Variants in PITX3 observed in about 807,000 individuals in gnomAD.
The protein encoded by PITX3 is paired like homeodomain 3, also known as pituitary homeobox 3.
A neutral mutation model predicts 14.2 loss-of-function variants in PITX3; 4 were observed. The observed-to-expected ratio is 0.28, with a 90% CI of 0.14 to 0.65. The LOEUF is 0.65. Among genes scored for constraint, PITX3 ranks in the 30% least tolerant of loss-of-function variants. The probability of loss-of-function intolerance (pLI) is 0.82; values close to 1 mark genes in which losing one functional copy is unlikely to be tolerated. For synonymous variants in PITX3, 194 were observed against 204.5 expected (o/e 0.95, Z 0.44); for missense variants, 358 against 426.8 (o/e 0.84, Z 1.42).
At chr10:102,238,209 C>T (rs2070451399) in intron 1 of PITX3, among the ~76,000 whole-genome samples, 1 of 152,132 alleles carries the variant, frequency 6.6e-6, no homozygotes. Context: ...CCATGGACAC[C>T]CTAGACACCC....
chr10:102,238,766 A>G (rs1234876289), intron 1 of PITX3, among the ~76,000 whole-genome samples: 1 of 152,176 alleles, frequency 6.6e-6, no homozygotes, highest in South Asian at 2.1e-4. Flanking sequence ...GCAAGGTTAC[A>G]CAGTTTGAAG....
In PITX3 at chr10:102,230,362, GGGGAA is replaced by G. The variant is rs2133794022; in HGVS notation, c.*147_*151del. On this transcript the variant is annotated 3_prime_UTR_variant, in exon 4 of 4. Coordinates refer to ENST00000370002, the MANE Select transcript of PITX3 (RefSeq NM_005029.4). ...CCTAGTCCACCCCTCAGGGCTGGGA[GGGGAA>G]GGCCCTCTCCTGAGCCGGTGCCCCC... 2 of 1,214,180 alleles carry G rather than the reference GGGGAA, an allele frequency of 1.6e-6. No homozygotes were observed. The highest frequency in any genetic ancestry group is 5.2e-5 in the East Asian group (2 of 38,220). The allele number at this position is 1,214,180 out of a possible 1,614,324, so 75.2% of individuals were successfully genotyped here. A position where few individuals can be genotyped will look rare whatever the true frequency, so the allele number is the denominator to read the frequency against.
At chr10:102,232,417 T>TCC (rs2133800303) in intron 1 of PITX3, among the ~76,000 whole-genome samples, 1 of 152,342 alleles carries the variant, frequency 6.6e-6, no homozygotes, top group Admixed American at 6.5e-5. Context: ...GCGCAGTGGC[T>TCC]CACGCCTGTA....
At position 102,231,087 on chromosome 10, in the gene PITX3, G is replaced by T; in HGVS notation, c.336C>A (p.Asn112Lys). 1.3e-6 allele frequency: 2 copies of T among 1,558,274 alleles called. No homozygotes were observed. The highest frequency in any genetic ancestry group is 1.7e-6 in the Non-Finnish European group (2 of 1,155,998). Residue 112 changes from asparagine to lysine, a missense_variant, in exon 4 of 4, where the codon AAC (asparagine) becomes AAA (lysine). This residue lies in a region of PITX3 where 50 missense variants were observed against 96.7 expected (regional missense o/e 0.52). Transcript: ENST00000370002. ...CGCGCTTCCGCCATTTGGCGCGCCG[G>T]TTCTTGAACCACACCTGCGGGCACG... ...TEARVRVWFK[N>K]RRAKWRKRER...
In PITX3 at chr10:102,230,952, C is replaced by T; in HGVS notation, c.471G>A (p.Pro157=). 1 of 1,607,956 alleles carries T rather than the reference C, an allele frequency of 6.2e-7. No homozygotes were observed. The highest frequency in any genetic ancestry group is 8.5e-7 in the Non-Finnish European group (1 of 1,178,002). ...VYPGYSYGNW[P]PKALAPPLAA... ...CGAGCGGCGGGGCAAGAGCCTTGGG[C>T]GGCCAGTTGCCGTACGAGTAGCCGG... The change falls in exon 4 of 4, where the codon CCG becomes CCA. Residue 157 remains proline (P), a synonymous_variant. Coordinates refer to ENST00000370002, the MANE Select transcript of PITX3 (RefSeq NM_005029.4).
At chr10:102,239,815 A>G (rs1361614228) in intron 1 of PITX3, among the ~76,000 whole-genome samples, 1 of 152,178 alleles carries the variant, frequency 6.6e-6, no homozygotes, top group Non-Finnish European at 1.5e-5. Flanking sequence ...GTCAGGGTGG[A>G]TGGTCACTGT....
chr10:102,231,775 G>A lies in PITX3; in HGVS notation c.134C>T (p.Ser45Leu), dbSNP rs1458426960. 7 of 1,603,778 alleles carry A rather than the reference G, an allele frequency of 4.4e-6. No individual in the cohort carries two copies. The highest frequency in any genetic ancestry group is 1.7e-5 in the Admixed American group (1 of 59,054). ...GQEHSDSEKA[S>L]ASLPGGSPED... ...TGGGGAGCCGCCGGGCAGCGAAGCC[G>A]AGGCCTTTTCTGAGTCTGGGGGCCA... The change falls in exon 3 of 4, where the codon TCG (serine) becomes TTG (leucine). Residue 45 changes from serine (S) to leucine (L), a missense_variant. By Grantham distance (145) the Ser-to-Leu change is moderately radical (BLOSUM62 -2). Transcript: ENST00000370002.
intron 2 of PITX3, 27 bp from the exon 3 acceptor site, chr10:102,231,817 C>G: frequency 1.9e-6 from 3 of 1,592,510 alleles, no homozygotes; most frequent in African/African-American, 2.7e-5. Flanking sequence ...GGGCAGGTCA[C>G]AGAGCGCCCA....
intron 1 of PITX3, among the ~76,000 whole-genome samples, chr10:102,236,349 G>T (rs2070393822): frequency 1.3e-5 from 2 of 152,242 alleles, no homozygotes; most frequent in African/African-American, 4.8e-5. Context: ...GACAGAGAGA[G>T]TCAGAAGATA....
chr10:102,231,518 C>A lies in PITX3; in HGVS notation c.321+70G>T, dbSNP rs552489268. 2.6e-3 allele frequency: 2,789 copies of A among 1,057,956 alleles called. 6 individuals are homozygous for A. The highest frequency in any genetic ancestry group is 3.4e-3 in the Non-Finnish European group (2,428 of 715,530). 65.5% of individuals were successfully genotyped at this position (1,057,956 alleles called of 1,614,324 possible). A position where few individuals can be genotyped will look rare whatever the true frequency, so the allele number is the denominator to read the frequency against. On this transcript the variant is annotated intron_variant, in intron 3 of 3. Transcript: ENST00000370002. The stretch of plus-strand genomic sequence containing the variant: ...GGAGGGGGCAGGTGGGGTGGAACCG[C>A]TGGCCTCCGGGTCGCAGGCTGAGCG...
At chr10:102,232,621 G>A (rs189547861) in intron 1 of PITX3, among the ~76,000 whole-genome samples, 172 of 152,318 alleles carry the variant, frequency 1.1e-3, no homozygotes, top group African/African-American at 4.0e-3. Flanking sequence ...GGCGGAGGTT[G>A]CAGCGAGCCG....
intron 1 of PITX3, among the ~76,000 whole-genome samples, chr10:102,239,391 A>G (rs1343971786): frequency 6.6e-6 from 1 of 152,200 alleles, no homozygotes; most frequent in Non-Finnish European, 1.5e-5. Flanking sequence ...TCCTTTCCTG[A>G]CACAGAGTCC....
chr10:102,232,084 G>C lies in PITX3; in HGVS notation c.-4C>G. 2 of 1,580,842 alleles carry C rather than the reference G, an allele frequency of 1.3e-6. No individual in the cohort carries two copies. Among genetic ancestry groups the C allele is most frequent in the Non-Finnish European group, 1.7e-6 (2 of 1,161,464 alleles). The stretch of plus-strand genomic sequence containing the variant: ...CGCTGAGCAGGCCGAACTCCATGGA[G>C]GGAGGGCTCTGGAGGCGAGAGAAGA... On this transcript the variant is annotated 5_prime_UTR_variant, in exon 2 of 4. Transcript: ENST00000370002.
Position 102,230,192 on chromosome 10 carries a change from A to C in PITX3, c.*322T>G. 2.6e-6 allele frequency: 1 copy of C among 387,916 alleles called. No individual in the cohort carries two copies. Among genetic ancestry groups the C allele is most frequent in the Non-Finnish European group, 4.7e-6 (1 of 213,838 alleles). 24.0% of individuals were successfully genotyped at this position (387,916 alleles called of 1,614,324 possible). On this transcript the variant is annotated 3_prime_UTR_variant, in exon 4 of 4. Transcript: ENST00000370002. ...AACTTTGAATCATCACGCCTTCGAC[A>C]GTCCGCGCACGTTTATTTCATTTAT... is the stretch of plus-strand genomic sequence containing the variant.
At chr10:102,238,329 C>G (rs550867026) in intron 1 of PITX3, among the ~76,000 whole-genome samples, 9 of 152,330 alleles carry the variant, frequency 5.9e-5, no homozygotes, top group Non-Finnish European at 1.2e-4. Flanking sequence ...CACAAGTCAG[C>G]TCTAGCCTGC....
At chr10:102,235,259 G>A (rs747018811) in intron 1 of PITX3, among the ~76,000 whole-genome samples, 3 of 151,156 alleles carry the variant, frequency 2.0e-5, no homozygotes, top group Non-Finnish European at 4.4e-5. Flanking sequence ...GGGAGGAGCA[G>A]GCCAAGGGGC....
intron 1 of PITX3, among the ~76,000 whole-genome samples, chr10:102,239,264 A>T (rs527712102): frequency 3.0e-4 from 46 of 152,346 alleles, no homozygotes; most frequent in South Asian, 1.7e-3. Context: ...AGGGTGGGAA[A>T]AGGTTCTGTC....
intron 1 of PITX3, among the ~76,000 whole-genome samples, chr10:102,235,579 A>G (rs1175099382): frequency 6.6e-6 from 1 of 152,234 alleles, no homozygotes; most frequent in Non-Finnish European, 1.5e-5. Flanking sequence ...AGATAAAAAC[A>G]TAAACATGTA....
chr10:102,230,630 C>T lies in PITX3; in HGVS notation c.793G>A (p.Ala265Thr). The change falls in exon 4 of 4, where the codon GCC (alanine) becomes ACC (threonine). Residue 265 changes from alanine to threonine, a missense_variant. Coordinates refer to ENST00000370002, the MANE Select transcript of PITX3 (RefSeq NM_005029.4). The part of the protein sequence containing the change: ...VYRDPCNSSL[A>T]SLRLKAKQHA... Reference sequence around the variant, plus strand: ...TGTTTGGCTTTGAGCCGCAGGCTGGCCAGGCTCGAGTTACACGGGTCCCGA... The same window carrying T: ...TGTTTGGCTTTGAGCCGCAGGCTGGTCAGGCTCGAGTTACACGGGTCCCGA... The T allele has an allele frequency of 6.2e-7, 1 of 1,607,244 alleles. No individual in the cohort carries two copies.
Sources: allele counts gnomAD v4.1 joint callset (sites outside exome capture counted in the v4.1 genomes callset), GRCh38; gene constraint gnomAD v4.1.1; regional missense constraint gnomAD v4.1.1; transcripts MANE v1.5; gene names NCBI Gene and HGNC (gene_info 2026-07-23, HGNC 2026-07-21).